KCNIP4: variants seen among roughly 807,000 people sequenced by gnomAD.
KCNIP4 encodes the protein Kv channel-interacting protein 4.
A neutral mutation model predicts 34.0 loss-of-function variants in KCNIP4; 12 were observed. The ratio of observed to expected loss-of-function variants is 0.35; its 90% CI spans 0.23 to 0.57. The LOEUF is 0.57. Ranked by LOEUF, KCNIP4 falls within the 20% of genes least tolerant of loss-of-function variation. The probability of loss-of-function intolerance (pLI) is 0.83; values close to 1 mark genes in which losing one functional copy is unlikely to be tolerated. For synonymous variants in KCNIP4, 124 were observed against 102.2 expected (o/e 1.21, Z -1.29); for missense variants, 238 against 311.7 (o/e 0.76, Z 1.78).
intron 1 of KCNIP4, among the ~76,000 whole-genome samples, chr4:21,665,595 A>T (rs143806976): frequency 1.4e-3 from 215 of 151,476 alleles, no homozygotes; most frequent in African/African-American, 4.7e-3. Context: ...TCAAGGCTCT[A>T]AGAAGCACAG....
intron 1 of KCNIP4, among the ~76,000 whole-genome samples, chr4:21,661,884 C>G (rs1241774615): frequency 6.6e-6 from 1 of 152,274 alleles, no homozygotes; most frequent in Admixed American, 6.5e-5. Flanking sequence ...GTAAAAGTAA[C>G]TAAACGTCCT....
chr4:20,730,196 CCT>C lies in KCNIP4; in HGVS notation c.706-69_706-68del, dbSNP rs1240638683. On this transcript the variant is annotated intron_variant, in intron 8 of 8. Transcript: ENST00000382152. The stretch of plus-strand genomic sequence containing the variant: ...GCAAGGAAAAGTACACTATTTTGCC[CCT>C]GAGTATTGCCTCCTCCCATCAACCA... 9.2e-6 allele frequency: 14 copies of C among 1,517,248 alleles called. No homozygotes were observed. In the Admixed American group the frequency reaches 1.1e-4, roughly 11 times the overall value. The allele number at this position is 1,517,248 out of a possible 1,614,324, so 94.0% of individuals were successfully genotyped here. A position where few individuals can be genotyped will look rare whatever the true frequency, so the allele number is the denominator to read the frequency against.
intron 1 of KCNIP4, among the ~76,000 whole-genome samples, chr4:21,671,647 TTGATTGATG>T: frequency 6.6e-6 from 1 of 152,172 alleles, no homozygotes; most frequent in Non-Finnish European, 1.5e-5. Context: ...GTTGATATGA[TTGATTGATG>T]GAGCCCCTAT....
intron 3 of KCNIP4, among the ~76,000 whole-genome samples, chr4:20,811,933 G>A (rs1393574559): frequency 6.6e-6 from 1 of 152,134 alleles, no homozygotes; most frequent in Non-Finnish European, 1.5e-5. Context: ...GCTTTAAGAA[G>A]CAAAGGAAGA....
intron 1 of KCNIP4, among the ~76,000 whole-genome samples, chr4:20,957,623 G>A (rs778716600): frequency 2.0e-5 from 3 of 151,892 alleles, no homozygotes; most frequent in South Asian, 2.1e-4. Flanking sequence ...AGCTGTTTAC[G>A]CTCATTCATT....
intron 1 of KCNIP4, among the ~76,000 whole-genome samples, chr4:20,937,786 T>C (rs1731233469): frequency 6.6e-6 from 1 of 152,136 alleles, no homozygotes; most frequent in African/African-American, 2.4e-5. Flanking sequence ...TCTTCCTTAT[T>C]TACAGCCCAG....
intron 1 of KCNIP4, among the ~76,000 whole-genome samples, chr4:20,889,324 T>C (rs1725664066): frequency 6.6e-6 from 1 of 152,198 alleles, no homozygotes; most frequent in East Asian, 1.9e-4. Context: ...GGACTATAAT[T>C]CTTGTACATT....
At chr4:20,819,310 A>G (rs1024096887) in intron 3 of KCNIP4, among the ~76,000 whole-genome samples, 4 of 152,208 alleles carry the variant, frequency 2.6e-5, no homozygotes, top group African/African-American at 4.8e-5. Flanking sequence ...CTCATTTTCC[A>G]TTCAAATTAA....
At chr4:21,898,163 A>G (rs1727503127) in intron 1 of KCNIP4, among the ~76,000 whole-genome samples, 1 of 152,132 alleles carries the variant, frequency 6.6e-6, no homozygotes, top group Admixed American at 6.6e-5. Context: ...CATGAGCTAA[A>G]GTGCCCTGGG....
intron 5 of KCNIP4, among the ~76,000 whole-genome samples, chr4:20,744,361 A>T (rs1432151180): frequency 1.3e-5 from 2 of 152,178 alleles, no homozygotes; most frequent in Admixed American, 1.3e-4. Context: ...TACCAACCCA[A>T]ATGTCCATCA....
chr4:20,988,778 A>T (rs1736820124), intron 1 of KCNIP4, among the ~76,000 whole-genome samples: 1 of 152,208 alleles, frequency 6.6e-6, no homozygotes, highest in Non-Finnish European at 1.5e-5. Flanking sequence ...AGGCAACTGA[A>T]ATAGGAGACT....
intron 1 of KCNIP4, among the ~76,000 whole-genome samples, chr4:21,191,762 G>A (rs1308397652): frequency 6.6e-6 from 1 of 152,124 alleles, no homozygotes. Context: ...AAATAGTATG[G>A]CTTTTATTCT....
At chr4:21,038,253 G>T (rs566520021) in intron 1 of KCNIP4, among the ~76,000 whole-genome samples, 1 of 152,218 alleles carries the variant, frequency 6.6e-6, no homozygotes, top group Non-Finnish European at 1.5e-5. Flanking sequence ...GGGATTACAG[G>T]CGTGAGCCAC....
At chr4:21,866,762 ATT>A (rs770568451) in intron 1 of KCNIP4, among the ~76,000 whole-genome samples, 16 of 82,722 alleles carry the variant, frequency 1.9e-4, no homozygotes, top group Middle Eastern at 0.015. Flanking sequence ...TTCAGCCTGG[ATT>A]TTTTTTTTTT....
chr4:21,044,077 G>A (rs9992270), intron 1 of KCNIP4, among the ~76,000 whole-genome samples: 77,206 of 151,786 alleles, frequency 0.51, 21,328 homozygotes, highest in African/African-American at 0.74. Context: ...GAACATTTTA[G>A]GATTGGCCCC....
chr4:20,961,362 T>C (rs2149660198), intron 1 of KCNIP4, among the ~76,000 whole-genome samples: 1 of 152,282 alleles, frequency 6.6e-6, no homozygotes, highest in Admixed American at 6.5e-5. Context: ...TCACAGATCA[T>C]GCCTCTGTGC....
At chr4:21,625,253 C>A (rs1461315758) in intron 1 of KCNIP4, among the ~76,000 whole-genome samples, 3 of 151,976 alleles carry the variant, frequency 2.0e-5, no homozygotes, top group African/African-American at 7.2e-5. Context: ...ATACAGATAA[C>A]AATTGTATTT....
chr4:21,715,371 C>T (rs1261090545), intron 1 of KCNIP4, among the ~76,000 whole-genome samples: 3 of 152,052 alleles, frequency 2.0e-5, no homozygotes, highest in African/African-American at 7.2e-5. Context: ...ACCTTGTGAT[C>T]CGCCCACCTT....
At chr4:21,825,769 T>C (rs1277982757) in intron 1 of KCNIP4, among the ~76,000 whole-genome samples, 1 of 152,082 alleles carries the variant, frequency 6.6e-6, no homozygotes, top group Non-Finnish European at 1.5e-5. Context: ...ATTACTAAGG[T>C]AGACAATTCC....
Sources: gnomAD v4.1 joint callset for allele counts (sites outside exome capture counted in the v4.1 genomes callset) on GRCh38, gnomAD v4.1.1 for gene constraint, MANE v1.5 for transcripts, NCBI Gene and HGNC (gene_info 2026-07-23, HGNC 2026-07-21) for gene names.